The following KAZN variants were observed in gnomAD, a reference collection of about 807,000 sequenced individuals.
The protein encoded by KAZN is kazrin, periplakin interacting protein.
In KAZN, 40 loss-of-function variants were observed where a neutral mutation model predicts 87.4. That is an observed-to-expected ratio of 0.46 (90% CI 0.36 to 0.60). The LOEUF is 0.60. KAZN is among the 20% of genes least tolerant of loss of function. The pLI is 0.00. For synonymous variants in KAZN, 466 were observed against 458.3 expected (o/e 1.02, Z -0.22); for missense variants, 898 against 1,073.9 (o/e 0.84, Z 2.29).
chr1:14,148,307 C>A (rs966738115), intron 1 of KAZN, among the ~76,000 whole-genome samples: 1 of 152,184 alleles, frequency 6.6e-6, no homozygotes, highest in Non-Finnish European at 1.5e-5. Flanking sequence ...CTGTTCTCTT[C>A]TTTCTCTGTG....
At chr1:14,504,288 G>A (rs547490723) in intron 2 of KAZN, among the ~76,000 whole-genome samples, 8 of 152,306 alleles carry the variant, frequency 5.3e-5, no homozygotes, top group East Asian at 1.9e-4. Flanking sequence ...CACATTTACC[G>A]TTAATTTAAA....
At chr1:15,048,844 G>T (rs566683016) in intron 4 of KAZN, among the ~76,000 whole-genome samples, 2 of 148,954 alleles carry the variant, frequency 1.3e-5, no homozygotes, top group African/African-American at 2.5e-5. Context: ...CGTTGGTCCT[G>T]GGTCGTTGGT....
At chr1:14,840,862 A>G (rs1379228466) in intron 1 of KAZN, among the ~76,000 whole-genome samples, 1 of 152,248 alleles carries the variant, frequency 6.6e-6, no homozygotes, top group Non-Finnish European at 1.5e-5. Flanking sequence ...AGGAATGTGA[A>G]GTGAATATAG....
At chr1:15,018,045 C>G (rs576619433) in intron 2 of KAZN, among the ~76,000 whole-genome samples, 37 of 152,128 alleles carry the variant, frequency 2.4e-4, no homozygotes, top group Non-Finnish European at 4.7e-4. Flanking sequence ...GGCTTCCCCC[C>G]AGCCTGCAAA....
At chr1:14,498,961 T>C (rs1278807615) in intron 2 of KAZN, among the ~76,000 whole-genome samples, 1 of 152,032 alleles carries the variant, frequency 6.6e-6, no homozygotes, top group Non-Finnish European at 1.5e-5. Context: ...TGTCATCCTT[T>C]ATTGATTTTC....
chr1:14,314,453 A>G (rs78403974), intron 2 of KAZN, among the ~76,000 whole-genome samples: 3,644 of 152,094 alleles, frequency 0.024, 153 homozygotes, highest in African/African-American at 0.083. Context: ...TCCATTCCCT[A>G]TGTCCTGGTT....
rs79409757 is a variant in KAZN, at chr1:14,509,165, G to A, written c.250-89818G>A. On this transcript the variant is annotated intron_variant, in intron 2 of 16. Transcript: ENST00000636203. ...TATTCTAGAGAGTGCTTTGCCATGG[G>A]CAAATTCAACTACTATTTATTAAAG... 9.4e-3 allele frequency among the ~76,000 whole-genome samples: 1,434 copies of A among 152,312 alleles called. 24 individuals are homozygous for A. The highest frequency in any genetic ancestry group is 0.032 in the African/African-American group (1,346 of 41,558).
chr1:14,469,947 G>A (rs1315715231), intron 2 of KAZN, among the ~76,000 whole-genome samples: 1 of 152,118 alleles, frequency 6.6e-6, no homozygotes, highest in Non-Finnish European at 1.5e-5. Flanking sequence ...AAGAAATAGT[G>A]TCATGGTTGG....
chr1:13,999,982 C>T (rs1199334020), intron 1 of KAZN, among the ~76,000 whole-genome samples: 1 of 152,094 alleles, frequency 6.6e-6, no homozygotes, highest in East Asian at 1.9e-4. Context: ...ATACACCTTC[C>T]CAAGACTAAA....
At chr1:14,866,557 G>A (rs1012899126) in intron 1 of KAZN, among the ~76,000 whole-genome samples, 13 of 152,146 alleles carry the variant, frequency 8.5e-5, no homozygotes, top group African/African-American at 2.4e-4. Flanking sequence ...TTTTGCCCCC[G>A]TCTCTGCCAA....
Position 14,592,588 on chromosome 1 carries a change from C to T in KAZN, c.250-6395C>T, listed in dbSNP as rs558795535. Among the ~76,000 whole-genome samples, 7 of 152,296 alleles carry T rather than the reference C, an allele frequency of 4.6e-5. No individual in the cohort carries two copies. In the South Asian group the frequency reaches 1.2e-3, roughly 27 times the overall value. On this transcript the variant is annotated intron_variant, in intron 2 of 16. Transcript: ENST00000636203. ...TGTCATGTGGTCTTCATCTTCGCTT[C>T]GGGAAACACTGAAGACCAGAGGCTT... is the stretch of plus-strand genomic sequence containing the variant.
intron 2 of KAZN, among the ~76,000 whole-genome samples, chr1:14,574,204 G>A (rs1675041460): frequency 6.6e-6 from 1 of 152,200 alleles, no homozygotes; most frequent in South Asian, 2.1e-4. Context: ...GTTTCCTCAT[G>A]TATAGCTTGG....
intron 1 of KAZN, among the ~76,000 whole-genome samples, chr1:14,841,976 G>A (rs749101785): frequency 3.9e-5 from 6 of 152,092 alleles, no homozygotes; most frequent in Non-Finnish European, 8.8e-5. Context: ...CACATTGCAG[G>A]CCTAACTCTC....
Position 14,867,724 on chromosome 1 carries a change from A to ACCCC in KAZN, c.227-92952_227-92949dup, listed in dbSNP as rs1553148134. ...TGCTTTACTCGGTGTCTTTGAAGACACCCCCCCCCCCACCCTGGGCATGGA... is the reference window on the plus strand; with the variant it reads ...TGCTTTACTCGGTGTCTTTGAAGACACCCCCCCCCCCCCCCACCCTGGGCATGGA... On this transcript the variant is annotated intron_variant, in intron 1 of 14. Transcript: ENST00000376030. Among the ~76,000 whole-genome samples the ACCCC allele has an allele frequency of 7.7e-3, 829 of 107,464 alleles. 1 individual carries two copies. The highest frequency in any genetic ancestry group is 9.2e-3 in the African/African-American group (249 of 26,972). 70.5% of individuals were successfully genotyped at this position (107,464 alleles called of 152,430 possible). A position where few individuals can be genotyped will look rare whatever the true frequency, so the allele number is the denominator to read the frequency against.
rs575195239 is a variant in KAZN at position 14,346,218 on chromosome 1, A to G, written c.249+165626A>G. Reference sequence around the variant, plus strand: ...GTTACTGTACATGAAAATGCACAAGACTCTTCCCACCACTGACCTCAGTGT... The same window carrying G: ...GTTACTGTACATGAAAATGCACAAGGCTCTTCCCACCACTGACCTCAGTGT... On this transcript the variant is annotated intron_variant, in intron 2 of 16. Transcript: ENST00000636203. Among the ~76,000 whole-genome samples the G allele has an allele frequency of 2.0e-5, 3 of 152,072 alleles. No individual in the cohort carries two copies. In the East Asian group the frequency reaches 5.8e-4, roughly 30 times the overall value.
At chr1:14,381,936 C>A (rs1661403137) in intron 2 of KAZN, among the ~76,000 whole-genome samples, 1 of 152,250 alleles carries the variant, frequency 6.6e-6, no homozygotes, top group East Asian at 1.9e-4. Context: ...AAACATAAGA[C>A]TCCACCAAAA....
intron 2 of KAZN, among the ~76,000 whole-genome samples, chr1:14,366,909 G>A (rs1468242361): frequency 6.6e-6 from 1 of 152,174 alleles, no homozygotes; most frequent in East Asian, 1.9e-4. Context: ...CGAATGGAAG[G>A]GCAGTGAATG....
At chr1:13,953,107 C>T (rs998094627) in intron 1 of KAZN, among the ~76,000 whole-genome samples, 1 of 152,022 alleles carries the variant, frequency 6.6e-6, no homozygotes, top group Non-Finnish European at 1.5e-5. Context: ...CAGAACGGCC[C>T]CCGAATTCAA....
At chr1:14,869,328 A>G (rs975732806) in intron 1 of KAZN, among the ~76,000 whole-genome samples, 112 of 152,178 alleles carry the variant, frequency 7.4e-4, no homozygotes, top group African/African-American at 2.6e-3. Context: ...TGTGAGCACA[A>G]TTCAGGGGTC....
Sources: allele counts gnomAD v4.1 joint callset (sites outside exome capture counted in the v4.1 genomes callset), GRCh38; gene constraint gnomAD v4.1.1; transcripts MANE v1.5; gene names NCBI Gene and HGNC (gene_info 2026-07-23, HGNC 2026-07-21).